Variants in REDIC1 observed in about 807,000 individuals in gnomAD.
The protein encoded by REDIC1 is HEI10 Interacting Protein 1.
chr12:39,721,365 G>A, the REDIC1 span: 22 of 838,660 alleles, frequency 2.6e-5, no homozygotes, highest in East Asian at 5.5e-4. Context: ...CTAAGCATAA[G>A]CTGACAGTGT....
the REDIC1 span, among the ~76,000 whole-genome samples, chr12:39,748,636 G>A: frequency 6.6e-6 from 1 of 152,100 alleles, no homozygotes; most frequent in Admixed American, 6.5e-5. Flanking sequence ...GCACCACACT[G>A]CACTTATTCC....
chr12:39,689,163 C>T, the REDIC1 span, among the ~76,000 whole-genome samples: 1 of 152,096 alleles, frequency 6.6e-6, no homozygotes, highest in Non-Finnish European at 1.5e-5. Context: ...ATTATTTTTC[C>T]ATGCTGTCTT....
the REDIC1 span, among the ~76,000 whole-genome samples, chr12:39,748,250 T>C: frequency 9.5e-4 from 144 of 151,132 alleles, 1 homozygote; most frequent in East Asian, 0.022. Context: ...AAATGGAAAA[T>C]AAAAAAAGGC....
chr12:39,872,104 A>C, the REDIC1 span: 1 of 616,470 alleles, frequency 1.6e-6, no homozygotes, highest in Non-Finnish European at 2.5e-6. Flanking sequence ...GAATTCATGC[A>C]AGCTGTTGAA....
the REDIC1 span, among the ~76,000 whole-genome samples, chr12:39,640,782 A>C: frequency 6.6e-6 from 1 of 151,830 alleles, no homozygotes; most frequent in Non-Finnish European, 1.5e-5. Context: ...AAATTTTGTG[A>C]AACTTCATAC....
chr12:39,630,722 C>T, the REDIC1 span, among the ~76,000 whole-genome samples: 2 of 151,958 alleles, frequency 1.3e-5, no homozygotes, highest in African/African-American at 2.4e-5. Flanking sequence ...AAAGAAGGTT[C>T]GATGGAGAAA....
the REDIC1 span, among the ~76,000 whole-genome samples, chr12:39,667,360 C>T: frequency 1.3e-5 from 2 of 152,118 alleles, no homozygotes; most frequent in African/African-American, 4.8e-5. Context: ...TTTCAGTTTC[C>T]ATGTAGTTTA....
the REDIC1 span, among the ~76,000 whole-genome samples, chr12:39,729,338 C>G: frequency 6.6e-6 from 1 of 152,122 alleles, no homozygotes; most frequent in Non-Finnish European, 1.5e-5. Context: ...AGCTGTGTCC[C>G]AGAGATTCTG....
chr12:39,755,870 G>A, the REDIC1 span: 3 of 151,946 alleles, frequency 2.0e-5, no homozygotes, highest in Admixed American at 2.0e-4. Context: ...ATACTTTCAT[G>A]AACTTCTGAA....
At chr12:39,790,349 T>C in the REDIC1 span, among the ~76,000 whole-genome samples, 248 of 149,226 alleles carry the variant, frequency 1.7e-3, 1 homozygote, top group Non-Finnish European at 1.7e-3. Context: ...TAGGTATATC[T>C]CCCAATGCTA....
the REDIC1 span, among the ~76,000 whole-genome samples, chr12:39,803,930 T>C: frequency 6.6e-6 from 1 of 151,926 alleles, no homozygotes; most frequent in South Asian, 2.1e-4. Context: ...TCTATCAAGA[T>C]ACATCAGTAT....
At chr12:39,744,356 C>A in the REDIC1 span, among the ~76,000 whole-genome samples, 1 of 152,108 alleles carries the variant, frequency 6.6e-6, no homozygotes, top group South Asian at 2.1e-4. Flanking sequence ...TGATATGGGT[C>A]AGAAATTCAG....
chr12:39,713,367 TAC>T, the REDIC1 span, among the ~76,000 whole-genome samples: 2 of 145,734 alleles, frequency 1.4e-5, no homozygotes, highest in East Asian at 2.0e-4. Context: ...TATACGTGTA[TAC>T]ACATATACAT....
At chr12:39,895,793 C>G in the REDIC1 span, among the ~76,000 whole-genome samples, 17 of 19,104 alleles carry the variant, frequency 8.9e-4, 4 homozygotes, top group African/African-American at 2.7e-3. Context: ...TACGTACACA[C>G]ATGTATATGC....
At chr12:39,903,629 G>A in the REDIC1 span, among the ~76,000 whole-genome samples, 1 of 152,032 alleles carries the variant, frequency 6.6e-6, no homozygotes, top group East Asian at 1.9e-4. Context: ...CCTCTTGGAG[G>A]GAAAATGTGA....
At chr12:39,854,476 C>T in the REDIC1 span, among the ~76,000 whole-genome samples, 4 of 152,288 alleles carry the variant, frequency 2.6e-5, no homozygotes, top group East Asian at 1.9e-4. Context: ...CCTGCCCAAA[C>T]GCCTTTTCCC....
At chr12:39,889,708 T>G in the REDIC1 span, among the ~76,000 whole-genome samples, 5 of 152,048 alleles carry the variant, frequency 3.3e-5, no homozygotes, top group East Asian at 9.7e-4. Context: ...AATTTTTGTA[T>G]TTTTAGAGAG....
the REDIC1 span, chr12:39,755,086 C>G: frequency 1.3e-5 from 2 of 151,794 alleles, no homozygotes; most frequent in Admixed American, 1.3e-4. Context: ...GGCACTGACA[C>G]TTTTTTTAAA....
chr12:39,866,276 T>G, the REDIC1 span, among the ~76,000 whole-genome samples: 1 of 152,216 alleles, frequency 6.6e-6, no homozygotes, highest in African/African-American at 2.4e-5. Flanking sequence ...ATAGTAGGTG[T>G]GTGAAGCCAG....
Sources: gnomAD v4.1 joint callset for allele counts (sites outside exome capture counted in the v4.1 genomes callset) on GRCh38, gnomAD v4.1.1 for gene constraint, MANE v1.5 for transcripts, NCBI Gene and HGNC (gene_info 2026-07-23, HGNC 2026-07-21) for gene names.